Variants in CAMK1D observed in about 807,000 individuals in gnomAD.
CAMK1D encodes calcium/calmodulin dependent protein kinase ID, also known as calcium/calmodulin-dependent protein kinase type 1D.
A neutral mutation model predicts 47.7 loss-of-function variants in CAMK1D; 9 were observed. The observed-to-expected ratio is 0.19, with a 90% CI of 0.11 to 0.33. CAMK1D has a LOEUF of 0.33. Among genes scored for constraint, CAMK1D ranks in the 10% least tolerant of loss-of-function variants. CAMK1D has a pLI of 1.00. For missense variants in CAMK1D, 291 were observed against 488.7 expected, an observed-to-expected ratio of 0.60 and a Z score of 3.81; for synonymous variants, 184 against 184.9, an observed-to-expected ratio of 0.99 and a Z score of 0.04.
intron 1 of CAMK1D, among the ~76,000 whole-genome samples, chr10:12,467,414 A>G (rs1833624228): frequency 6.6e-6 from 1 of 152,030 alleles, no homozygotes; most frequent in Non-Finnish European, 1.5e-5. Context: ...CAGTCTCCCA[A>G]AGTACTGGGA....
chr10:12,791,337 G>T, intron 6 of CAMK1D, 104 bp downstream of exon 6: 1 of 1,008,104 alleles, frequency 9.9e-7, no homozygotes, highest in South Asian at 1.4e-5. Context: ...ACAGTTTAAG[G>T]GTGCAGTTCA....
rs150263419 is a variant in CAMK1D at position 12,615,510 on chromosome 10, A to G, written c.225-51226A>G. 3.2e-4 allele frequency among the ~76,000 whole-genome samples: 45 copies of G among 142,706 alleles called. 1 individual carries two copies. The East Asian group carries it at 7.7e-3, about 24-fold the overall frequency. The allele number at this position is 142,706 out of a possible 152,430, so 93.6% of individuals were successfully genotyped here. A position where few individuals can be genotyped will look rare whatever the true frequency, so the allele number is the denominator to read the frequency against. On this transcript the variant is annotated intron_variant, in intron 2 of 10. Transcript: ENST00000619168. ...TGTGTGCATGTGTACATGTATAGTT[A>G]TGTGTGTGTATATCGGTGTGTGTGC...
intron 1 of CAMK1D, among the ~76,000 whole-genome samples, chr10:12,353,101 C>T (rs10752262): frequency 0.39 from 59,503 of 151,956 alleles, 11,975 homozygotes; most frequent in East Asian, 0.61. Context: ...GGGCCATGAC[C>T]GGTGACTCTG....
chr10:12,591,096 C>T (rs1448772636), intron 2 of CAMK1D, among the ~76,000 whole-genome samples: 1 of 152,168 alleles, frequency 6.6e-6, no homozygotes, highest in Non-Finnish European at 1.5e-5. Context: ...TTTCTTTATG[C>T]CGCTTTCAAG....
At chr10:12,537,588 T>C (rs1836017042) in intron 1 of CAMK1D, among the ~76,000 whole-genome samples, 1 of 152,230 alleles carries the variant, frequency 6.6e-6, no homozygotes, top group South Asian at 2.1e-4. Context: ...ATATGCTCGT[T>C]GGCCATTCTG....
At chr10:12,571,155 A>G (rs1463419016) in intron 2 of CAMK1D, among the ~76,000 whole-genome samples, 1 of 151,988 alleles carries the variant, frequency 6.6e-6, no homozygotes. Flanking sequence ...TGGATTAGAA[A>G]TGCTCACAGG....
chr10:12,574,090 G>A, intron 2 of CAMK1D, among the ~76,000 whole-genome samples: 1 of 152,052 alleles, frequency 6.6e-6, no homozygotes, highest in South Asian at 2.1e-4. Context: ...CCATTGTACT[G>A]AAACTGTTTC....
intron 3 of CAMK1D, among the ~76,000 whole-genome samples, chr10:12,674,747 TC>T (rs1294028866): frequency 2.4e-4 from 36 of 151,982 alleles, no homozygotes; most frequent in African/African-American, 8.4e-4. Context: ...AGAATATTAA[TC>T]CAGGGTCAGG....
At chr10:12,396,772 C>T (rs896581257) in intron 1 of CAMK1D, among the ~76,000 whole-genome samples, 2 of 152,198 alleles carry the variant, frequency 1.3e-5, no homozygotes, top group South Asian at 2.1e-4. Context: ...CTTCCAGCCA[C>T]GTAGGCTCCC....
At chr10:12,377,584 A>C (rs977955024) in intron 1 of CAMK1D, among the ~76,000 whole-genome samples, 1 of 152,190 alleles carries the variant, frequency 6.6e-6, no homozygotes. Context: ...GTTATTCAGG[A>C]GTTTATTAGA....
intron 1 of CAMK1D, among the ~76,000 whole-genome samples, chr10:12,525,840 C>A (rs1420588179): frequency 6.6e-6 from 1 of 152,158 alleles, no homozygotes; most frequent in Non-Finnish European, 1.5e-5. Context: ...TCAGTACAAC[C>A]TCCACCTCTC....
intron 1 of CAMK1D, among the ~76,000 whole-genome samples, chr10:12,454,567 A>G (rs1306016923): frequency 6.6e-6 from 1 of 152,056 alleles, no homozygotes. Context: ...GGCTCAAGCG[A>G]TTCTCCTGCC....
chr10:12,416,167 G>C (rs772097140), intron 1 of CAMK1D, among the ~76,000 whole-genome samples: 28 of 151,154 alleles, frequency 1.9e-4, no homozygotes, highest in Admixed American at 7.9e-4. Flanking sequence ...TTTTTTTTTA[G>C]CATCTACATT....
At chr10:12,611,660 C>T (rs903509859) in intron 2 of CAMK1D, among the ~76,000 whole-genome samples, 2 of 128,442 alleles carry the variant, frequency 1.6e-5, no homozygotes, top group South Asian at 2.8e-4. Flanking sequence ...GGCGCAATCT[C>T]GGCTCACTGC....
chr10:12,508,615 T>C (rs1834948281), intron 1 of CAMK1D, among the ~76,000 whole-genome samples: 1 of 152,246 alleles, frequency 6.6e-6, no homozygotes, highest in African/African-American at 2.4e-5. Flanking sequence ...CACTGAACTC[T>C]ACAGCTGAAA....
At chr10:12,560,535 G>A (rs1392941145) in intron 2 of CAMK1D, among the ~76,000 whole-genome samples, 30 of 138,610 alleles carry the variant, frequency 2.2e-4, no homozygotes, top group Non-Finnish European at 2.7e-4. Flanking sequence ...CCTGGGCAAC[G>A]AGAGGAAAAC....
intron 1 of CAMK1D, among the ~76,000 whole-genome samples, chr10:12,496,932 C>T (rs1183658392): frequency 6.6e-6 from 1 of 152,068 alleles, no homozygotes; most frequent in Non-Finnish European, 1.5e-5. Context: ...GTGTTTTCCT[C>T]CCTGTGTCCG....
In CAMK1D at chr10:12,610,775, C is replaced by G. The variant is rs117368380; in HGVS notation, c.225-55961C>G. ...TGGCCTCTCAAGTAGACTTCCCTTA[C>G]TTGAATGAAAATGCATATGCTTTCC... On this transcript the variant is annotated intron_variant, in intron 2 of 10. Coordinates refer to ENST00000619168, the MANE Select transcript of CAMK1D (RefSeq NM_153498.4). 3.8e-3 allele frequency among the ~76,000 whole-genome samples: 575 copies of G among 152,358 alleles called. 1 individual carries two copies. The highest frequency in any genetic ancestry group is 4.9e-3 in the Non-Finnish European group (336 of 68,034).
At chr10:12,356,545 A>G (rs1307476659) in intron 1 of CAMK1D, among the ~76,000 whole-genome samples, 1 of 151,680 alleles carries the variant, frequency 6.6e-6, no homozygotes, top group Non-Finnish European at 1.5e-5. Flanking sequence ...ACGTGGTGAA[A>G]CCTCGTCTCT....
Sources: gnomAD v4.1 joint callset for allele counts (sites outside exome capture counted in the v4.1 genomes callset) on GRCh38, gnomAD v4.1.1 for gene constraint, MANE v1.5 for transcripts, NCBI Gene and HGNC (gene_info 2026-07-23, HGNC 2026-07-21) for gene names.